ANKRD27: variants seen among roughly 807,000 people sequenced by gnomAD.
The protein encoded by ANKRD27 is ankyrin repeat domain-containing protein 27.
A neutral mutation model predicts 129.7 loss-of-function variants in ANKRD27; 112 were observed. The ratio of observed to expected loss-of-function variants is 0.86; its 90% confidence interval spans 0.74 to 1.01. The LOEUF is 1.01. Ranked by LOEUF, ANKRD27 falls within the 50% of genes least tolerant of loss-of-function variation. The pLI, the probability that ANKRD27 is intolerant of heterozygous loss-of-function variation, is 0.00. For synonymous variants in ANKRD27, 516 were observed against 511.2 expected (o/e 1.01, Z -0.13); for missense variants, 1,258 against 1,300.5 (o/e 0.97, Z 0.50).
intron 5 of ANKRD27, chr19:32,643,855 C>T (rs890065190): frequency 2.8e-5 from 16 of 566,314 alleles, no homozygotes; most frequent in Non-Finnish European, 3.8e-5. Context: ...GTTATACTTC[C>T]CCATGACTTT....
rs931303267 is a variant in ANKRD27 at position 32,627,964 on chromosome 19, C to T, written c.1420+119G>A. 4.2e-5 allele frequency: 37 copies of T among 878,832 alleles called. 1 individual carries two copies. Among genetic ancestry groups the T allele is most frequent in the Middle Eastern group, 3.4e-4 (1 of 2,916 alleles). 54.4% of individuals were successfully genotyped at this position (878,832 alleles called of 1,614,324 possible). A position where few individuals can be genotyped will look rare whatever the true frequency, so the allele number is the denominator to read the frequency against. ...TTCCGGCCCTTGGAGGGTGGACCCA[C>T]GATGCAGCCCCAACTGCCAACCCCC... On this transcript the variant is annotated intron_variant, in intron 15 of 28. Coordinates refer to ENST00000306065, the MANE Select transcript of ANKRD27 (RefSeq NM_032139.3).
At chr19:32,620,816 G>A (rs956140340) in intron 18 of ANKRD27, among the ~76,000 whole-genome samples, 1 of 149,148 alleles carries the variant, frequency 6.7e-6, no homozygotes, top group Non-Finnish European at 1.5e-5. Context: ...AGCCCAGGAG[G>A]CAGAGGTTGC....
chr19:32,622,646 G>A (rs769904537), intron 17 of ANKRD27, 27 bp from the exon 18 acceptor site: 18 of 1,609,804 alleles, frequency 1.1e-5, no homozygotes, highest in African/African-American at 2.7e-5. Flanking sequence ...AAATGGCATC[G>A]CTCATGGATG....
rs1401393422 is a variant in ANKRD27 at position 32,625,978 on chromosome 19, A to C, written c.1537-12T>G. On this transcript the variant is annotated splice_polypyrimidine_tract_variant and intron_variant, in intron 16 of 28. Transcript: ENST00000306065. ...TGCAGCAGCAGCAGCTGCGGAGATAAAGGAAAGCGATGAGCAGGGCACAGC... is the reference window on the plus strand; with the variant it reads ...TGCAGCAGCAGCAGCTGCGGAGATACAGGAAAGCGATGAGCAGGGCACAGC... 1 of 1,596,170 alleles carries C rather than the reference A, an allele frequency of 6.3e-7. No individual in the cohort carries two copies. Among genetic ancestry groups the C allele is most frequent in the Non-Finnish European group, 8.5e-7 (1 of 1,174,258 alleles).
At chr19:32,628,297 C>CG in intron 14 of ANKRD27, 132 bp from the exon 15 acceptor site, 1 of 706,908 alleles carries the variant, frequency 1.4e-6, no homozygotes, top group Non-Finnish European at 2.4e-6. Context: ...TGTGTGTCTC[C>CG]GGCACTGTCC....
chr19:32,670,147 T>C (rs1385479798), intron 1 of ANKRD27, among the ~76,000 whole-genome samples: 1 of 152,040 alleles, frequency 6.6e-6, no homozygotes, highest in East Asian at 1.9e-4. Flanking sequence ...AACATGCAGG[T>C]CACATGCAAG....
rs140103446 is a variant in ANKRD27 at position 32,635,189 on chromosome 19, C to T, written c.1117-3695G>A. ...ACCTCCTTCCAGGTGACCAGAGACA[C>T]CCTGGGCCCAGCAAGGCACAGCAGA... On this transcript the variant is annotated intron_variant, in intron 12 of 28. Transcript: ENST00000306065. Among the ~76,000 whole-genome samples, 530 of 152,230 alleles carry T rather than the reference C, an allele frequency of 3.5e-3. 4 individuals are homozygous for T. Among genetic ancestry groups the T allele is most frequent in the South Asian group, 0.024 (117 of 4,814 alleles).
intron 1 of ANKRD27, among the ~76,000 whole-genome samples, chr19:32,671,793 T>C (rs1192740101): frequency 6.6e-6 from 1 of 152,252 alleles, no homozygotes; most frequent in Non-Finnish European, 1.5e-5. Context: ...TGAATCTTCT[T>C]ATAAAACTTC....
chr19:32,668,893 G>A (rs1055190467), intron 1 of ANKRD27, among the ~76,000 whole-genome samples: 6 of 152,100 alleles, frequency 3.9e-5, no homozygotes, highest in African/African-American at 1.4e-4. Context: ...AATAACTCTA[G>A]GCAAGTAGGT....
At chr19:32,663,964 G>T (rs1192293798) in intron 1 of ANKRD27, among the ~76,000 whole-genome samples, 1 of 147,622 alleles carries the variant, frequency 6.8e-6, no homozygotes, top group Non-Finnish European at 1.5e-5. Context: ...GCTGAGGCAG[G>T]AGAATGGCGT....
In ANKRD27 at chr19:32,597,827, G is replaced by A. The variant is rs1335998890; in HGVS notation, c.*318C>T. On this transcript the variant is annotated 3_prime_UTR_variant, in exon 29 of 29. Coordinates refer to ENST00000306065, the MANE Select transcript of ANKRD27 (RefSeq NM_032139.3). The stretch of plus-strand genomic sequence containing the variant: ...GGGAGGAGGAGGTCAGAATGCGGTG[G>A]TGAAACCTCTCCCACTGTGACCAAC... 2.6e-6 allele frequency: 1 copy of A among 387,706 alleles called. No homozygotes were observed. 24.0% of individuals were successfully genotyped at this position (387,706 alleles called of 1,614,324 possible).
At chr19:32,599,841 C>G (rs1050346895) in intron 27 of ANKRD27, 65 bp from the exon 28 acceptor site, 16 of 1,576,270 alleles carry the variant, frequency 1.0e-5, no homozygotes, top group Non-Finnish European at 1.4e-5. Context: ...TGGTTGGCCA[C>G]AAGGTGGCAG....
At position 32,597,724 on chromosome 19, in the gene ANKRD27, C is replaced by T. The variant is rs1035114034; in HGVS notation, c.*421G>A. ...CATGAAACCTAAATTACTTACTTCTCTCCAGCTTAATCCTAGGTGGAGGAA... is the reference window on the plus strand; with the variant it reads ...CATGAAACCTAAATTACTTACTTCTTTCCAGCTTAATCCTAGGTGGAGGAA... On this transcript the variant is annotated 3_prime_UTR_variant, in exon 29 of 29. Transcript: ENST00000306065. 5 of 188,970 alleles carry T rather than the reference C, an allele frequency of 2.6e-5. No individual in the cohort carries two copies. The highest frequency in any genetic ancestry group is 1.2e-4 in the African/African-American group (5 of 43,334). The allele number at this position is 188,970 out of a possible 1,614,324, so 11.7% of individuals were successfully genotyped here.
At chr19:32,656,406 C>T (rs1352573730) in intron 2 of ANKRD27, among the ~76,000 whole-genome samples, 3 of 152,150 alleles carry the variant, frequency 2.0e-5, no homozygotes, top group Admixed American at 6.5e-5. Flanking sequence ...TTTTCCTCTG[C>T]GACACTCACC....
Position 32,598,022 on chromosome 19 carries a change from G to A in ANKRD27, c.*123C>T. ...CCACAGAAAAGCTTTCAGGAACTTG[G>A]TGCTGAAGACTTCTCAAGCCAGTCT... On this transcript the variant is annotated 3_prime_UTR_variant, in exon 29 of 29. Transcript: ENST00000306065. 1 of 858,682 alleles carries A rather than the reference G, an allele frequency of 1.2e-6. No individual in the cohort carries two copies. Among genetic ancestry groups the A allele is most frequent in the South Asian group, 1.7e-5 (1 of 60,302 alleles). The allele number at this position is 858,682 out of a possible 1,614,324, so 53.2% of individuals were successfully genotyped here.
intron 12 of ANKRD27, among the ~76,000 whole-genome samples, chr19:32,632,235 G>C (rs113677019): frequency 6.6e-6 from 1 of 152,008 alleles, no homozygotes; most frequent in East Asian, 1.9e-4. Context: ...GTTACAGTGA[G>C]CTGAGATCAC....
At chr19:32,631,964 G>A (rs1365674750) in intron 12 of ANKRD27, among the ~76,000 whole-genome samples, 3 of 152,226 alleles carry the variant, frequency 2.0e-5, no homozygotes, top group East Asian at 1.9e-4. Flanking sequence ...GAGAGAGAGG[G>A]GTCTTGCTTT....
At chr19:32,640,499 A>G (rs1967178372) in intron 10 of ANKRD27, 114 bp from the exon 11 acceptor site, 1 of 823,486 alleles carries the variant, frequency 1.2e-6, no homozygotes, top group East Asian at 2.6e-5. Flanking sequence ...GAGATCATAC[A>G]CTGGGGGAGA....
At chr19:32,602,148 G>C in intron 25 of ANKRD27, 22 bp from the exon 26 acceptor site, 3 of 1,390,146 alleles carry the variant, frequency 2.2e-6, no homozygotes, top group Non-Finnish European at 3.1e-6. Flanking sequence ...AAGGGAAAAG[G>C]AACAGTAATG....
Sources: gnomAD v4.1 joint callset for allele counts (sites outside exome capture counted in the v4.1 genomes callset) on GRCh38, gnomAD v4.1.1 for gene constraint, MANE v1.5 for transcripts, NCBI Gene and HGNC (gene_info 2026-07-23, HGNC 2026-07-21) for gene names.